CC2D2B: variants seen among roughly 807,000 people sequenced by gnomAD.
CC2D2B encodes the protein coiled-coil and C2 domain containing 2B.
A neutral mutation model predicts 161.2 loss-of-function variants in CC2D2B; 128 were observed. The observed-to-expected ratio is 0.79, with a 90% CI of 0.69 to 0.92. The LOEUF (loss-of-function observed/expected upper bound fraction) is 0.92. CC2D2B is among the 40% of genes least tolerant of loss of function. CC2D2B has a pLI of 0.00. For synonymous variants in CC2D2B, 391 were observed against 449.8 expected, an observed-to-expected ratio of 0.87 and a Z score of 1.65; for missense variants, 1,173 against 1,375.1, an observed-to-expected ratio of 0.85 and a Z score of 2.32.
At chr10:95,950,311 G>C (rs1216555755) in intron 10 of CC2D2B, 5 of 358,356 alleles carry the variant, frequency 1.4e-5, no homozygotes, top group Admixed American at 9.3e-5. Flanking sequence ...TACCACAAAT[G>C]GTTTACTAAT....
chr10:95,926,459 A>G (rs1317287715), intron 5 of CC2D2B, among the ~76,000 whole-genome samples: 2 of 151,982 alleles, frequency 1.3e-5, no homozygotes, highest in African/African-American at 2.4e-5. Flanking sequence ...GTGTAGATAC[A>G]AACAATATAA....
Position 95,983,709 on chromosome 10 carries a change from G to A in CC2D2B, c.2186G>A (p.Arg729His), listed in dbSNP as rs775117914. The A allele has an allele frequency of 8.1e-7, 1 of 1,230,554 alleles. No homozygotes were observed. The highest frequency in any genetic ancestry group is 1.0e-6 in the Non-Finnish European group (1 of 986,620). The allele number at this position is 1,230,554 out of a possible 1,614,324, so 76.2% of individuals were successfully genotyped here. A position where few individuals can be genotyped will look rare whatever the true frequency, so the allele number is the denominator to read the frequency against. The change falls in exon 19 of 35, where the codon CGT (arginine) becomes CAT (histidine). Residue 729 changes from arginine (R) to histidine (H), a missense_variant. By Grantham distance (29) the Arg-to-His change is conservative. This residue lies in a region of CC2D2B where 277 missense variants were observed against 420.6 expected (regional missense o/e 0.66). Transcript: ENST00000646931. ...GAAGAGGAAATGGCAAAGAGTAAAC[G>A]TTTCCAGCTATTGCAACTTAGAAAT... ...VSEEEMAKSK[R>H]FQLLQLRNAG... is the part of the protein sequence containing the mutation.
At chr10:95,961,566 T>C (rs2076763855) in intron 11 of CC2D2B, 1 of 249,080 alleles carries the variant, frequency 4.0e-6, no homozygotes, top group Non-Finnish European at 7.6e-6. Flanking sequence ...GCTAGGCTAT[T>C]TCCTTTCTCA....
chr10:95,917,933 A>C (rs923838770), intron 2 of CC2D2B, among the ~76,000 whole-genome samples: 1 of 151,768 alleles, frequency 6.6e-6, no homozygotes, highest in Non-Finnish European at 1.5e-5. Flanking sequence ...ACACCACCAC[A>C]CCTGGCTAAT....
intron 18 of CC2D2B, among the ~76,000 whole-genome samples, chr10:95,983,164 C>T (rs913108078): frequency 6.6e-6 from 1 of 152,202 alleles, no homozygotes; most frequent in African/African-American, 2.4e-5. Flanking sequence ...CACTATTCCT[C>T]GTGTGTACTA....
intron 30 of CC2D2B, 87 bp downstream of exon 30, chr10:96,016,401 T>A (rs1292697575): frequency 1.5e-5 from 13 of 852,630 alleles, no homozygotes; most frequent in Non-Finnish European, 2.4e-5. Context: ...AACCCAGGTT[T>A]CCATCTCTTC....
intron 6 of CC2D2B, among the ~76,000 whole-genome samples, chr10:95,933,443 C>T (rs1353437739): frequency 6.6e-6 from 1 of 152,032 alleles, no homozygotes; most frequent in Non-Finnish European, 1.5e-5. Flanking sequence ...GAGTTGTGAT[C>T]CTTTGGAGGA....
intron 9 of CC2D2B, among the ~76,000 whole-genome samples, chr10:95,947,328 G>C (rs541133734): frequency 6.6e-6 from 1 of 150,928 alleles, no homozygotes; most frequent in East Asian, 2.0e-4. Context: ...GGCCAGGCTG[G>C]TCTCGAACTC....
At chr10:95,942,475 C>T (rs966804283) in intron 9 of CC2D2B, among the ~76,000 whole-genome samples, 1 of 152,086 alleles carries the variant, frequency 6.6e-6, no homozygotes, top group African/African-American at 2.4e-5. Flanking sequence ...CATATTTTAT[C>T]TCCAGTTAAA....
At chr10:95,934,858 T>G (rs897082879) in intron 6 of CC2D2B, among the ~76,000 whole-genome samples, 1 of 136,790 alleles carries the variant, frequency 7.3e-6, no homozygotes, top group African/African-American at 2.8e-5. Flanking sequence ...CACAGAGTTT[T>G]TTGTTTGTTT....
At chr10:96,013,923 C>A (rs1322369487) in intron 29 of CC2D2B, 46 bp downstream of exon 29, 2 of 908,798 alleles carry the variant, frequency 2.2e-6, no homozygotes, top group Non-Finnish European at 3.0e-6. Context: ...TATAGTATTT[C>A]TTTTAAGGAA....
intron 24 of CC2D2B, among the ~76,000 whole-genome samples, chr10:95,999,002 A>G (rs750666910): frequency 2.1e-4 from 32 of 151,894 alleles, no homozygotes; most frequent in Non-Finnish European, 2.6e-4. Flanking sequence ...AATCGCTTGA[A>G]CTCAGGAGGA....
intron 2 of CC2D2B, among the ~76,000 whole-genome samples, chr10:95,917,830 T>G (rs2098519427): frequency 6.6e-6 from 1 of 152,142 alleles, no homozygotes. Flanking sequence ...CAGGCTGGAG[T>G]GCAGCAGCAT....
Position 95,961,959 on chromosome 10 carries a change from C to T in CC2D2B, c.1240C>T (p.Gln414Ter). ...GTTTACAAGCACCCCAATAAAGTTA[C>T]AGGTTCAGAGGTAAGTGGCTGCTCT... ...QGFTSTPIKL[Q>*]VQRIKMNKCD... The change falls in exon 12 of 35, where the codon CAG becomes TAG. Residue 414 changes from glutamine to a stop codon, truncating the protein, a stop_gained. Transcript: ENST00000646931. LOFTEE classifies it high-confidence loss of function. 8.1e-7 allele frequency: 1 copy of T among 1,231,310 alleles called. No homozygotes were observed. Among genetic ancestry groups the T allele is most frequent in the East Asian group, 3.2e-5 (1 of 31,682 alleles). 76.3% of individuals were successfully genotyped at this position (1,231,310 alleles called of 1,614,324 possible).
At chr10:95,933,878 G>A (rs2075706426) in intron 6 of CC2D2B, among the ~76,000 whole-genome samples, 1 of 152,184 alleles carries the variant, frequency 6.6e-6, no homozygotes, top group Non-Finnish European at 1.5e-5. Context: ...ACTTGAGGAG[G>A]GAGTCTGTCC....
At chr10:95,961,297 G>C (rs964262455) in intron 11 of CC2D2B, among the ~76,000 whole-genome samples, 2 of 152,262 alleles carry the variant, frequency 1.3e-5, no homozygotes, top group East Asian at 3.9e-4. Context: ...GGAGGCTGAG[G>C]CAGGCAGATC....
At chr10:95,991,123 G>A (rs746433314) in intron 20 of CC2D2B, among the ~76,000 whole-genome samples, 1 of 152,152 alleles carries the variant, frequency 6.6e-6, no homozygotes, top group Non-Finnish European at 1.5e-5. Flanking sequence ...AGTTTAGGAT[G>A]AGATGAACTG....
At chr10:95,998,268 C>T (rs1322495053) in intron 24 of CC2D2B, among the ~76,000 whole-genome samples, 1 of 152,132 alleles carries the variant, frequency 6.6e-6, no homozygotes, top group Non-Finnish European at 1.5e-5. Flanking sequence ...TGATACATCA[C>T]TATCAACCAT....
chr10:95,995,197 A>G lies in CC2D2B; in HGVS notation c.2643-72A>G, dbSNP rs1420950865. On this transcript the variant is annotated intron_variant, in intron 22 of 34. Transcript: ENST00000646931. ...ATATATCTTCATAAGCACAGGAAAA[A>G]CCCACCCACTCCTACCAAAACTAAT... is the stretch of plus-strand genomic sequence containing the variant. 8.9e-6 allele frequency: 7 copies of G among 785,658 alleles called. No individual in the cohort carries two copies. In the Admixed American group the frequency reaches 9.3e-5, roughly 10 times the overall value. The allele number at this position is 785,658 out of a possible 1,614,324, so 48.7% of individuals were successfully genotyped here.
Sources: gnomAD v4.1 joint callset for allele counts (sites outside exome capture counted in the v4.1 genomes callset) on GRCh38, gnomAD v4.1.1 for gene constraint, gnomAD v4.1.1 regional missense constraint, MANE v1.5 for transcripts, NCBI Gene and HGNC (gene_info 2026-07-23, HGNC 2026-07-21) for gene names.